Variants in CNIH1 observed in about 807,000 individuals in gnomAD.
CNIH1 encodes protein cornichon homolog 1.
Under a neutral mutation model 20.2 loss-of-function variants are expected in CNIH1, and 12 were observed. The observed-to-expected ratio is 0.59, with a 90% CI of 0.38 to 0.96. The LOEUF is 0.96. CNIH1 is among the 40% of genes least tolerant of loss of function. The probability of loss-of-function intolerance (pLI) is 0.00; values close to 1 mark genes in which losing one functional copy is unlikely to be tolerated. For missense variants in CNIH1, 152 were observed against 178.8 expected, an observed-to-expected ratio of 0.85 and a Z score of 0.85; for synonymous variants, 69 against 63.3, an observed-to-expected ratio of 1.09 and a Z score of -0.43.
rs1462596892 is a variant in CNIH1 at position 54,430,343 on chromosome 14, C to T, written c.325G>A (p.Ala109Thr). ...GLYDPTTIMNADILAYCQKEG... is the reference protein window; with the variant it reads ...GLYDPTTIMNTDILAYCQKEG... The stretch of plus-strand genomic sequence containing the variant: ...TTCTGACAATATGCTAGAATATCTG[C>T]ATTCATGATGGTTGTAGGGTCATAG... The change falls in exon 4 of 5, where the codon GCA becomes ACA. Residue 109 changes from alanine (A) to threonine (T), a missense_variant. By Grantham distance (58) the Ala-to-Thr change is moderately conservative. This residue lies in a region of CNIH1 where 27 missense variants were observed against 55.4 expected (regional missense o/e 0.49). Coordinates refer to ENST00000216416, the MANE Select transcript of CNIH1 (RefSeq NM_005776.3). The T allele has an allele frequency of 6.2e-7, 1 of 1,614,074 alleles. No individual in the cohort carries two copies. Among genetic ancestry groups the T allele is most frequent in the Admixed American group, 1.7e-5 (1 of 60,026 alleles).
intron 1 of CNIH1, 82 bp downstream of exon 1, chr14:54,441,165 G>A (rs1054279494): frequency 9.1e-6 from 12 of 1,325,614 alleles, no homozygotes; most frequent in Non-Finnish European, 1.2e-5. Flanking sequence ...CCCGGCGGCC[G>A]TGGCGGCCCG....
intron 3 of CNIH1, among the ~76,000 whole-genome samples, chr14:54,431,746 A>C (rs1259354057): frequency 1.3e-5 from 2 of 152,182 alleles, no homozygotes; most frequent in Non-Finnish European, 2.9e-5. Flanking sequence ...GGAGGTGTGG[A>C]GGGTAACTGA....
chr14:54,433,989 T>A (rs1369201308), intron 2 of CNIH1, among the ~76,000 whole-genome samples: 2 of 151,804 alleles, frequency 1.3e-5, no homozygotes, highest in African/African-American at 4.8e-5. Context: ...AATTTCCCCA[T>A]AAGAGACACA....
At position 54,437,608 on chromosome 14, in the gene CNIH1, C is replaced by T. The variant is rs544343635; in HGVS notation, c.82-1171G>A. On this transcript the variant is annotated intron_variant, in intron 1 of 4. Transcript: ENST00000216416. ...CCAGGGCCTAAAATATAAAATAGTG[C>T]CTGGCACATAGTTAAGTGTTCAATA... Among the ~76,000 whole-genome samples, 151 of 151,342 alleles carry T rather than the reference C, an allele frequency of 1.0e-3. 1 individual carries two copies. The highest frequency in any genetic ancestry group is 1.9e-3 in the Non-Finnish European group (130 of 67,874).
rs1213307509 is a variant in CNIH1 at position 54,424,543 on chromosome 14, T to C, written c.*3271A>G. ...TACACGGAAGTCATTATTTGCACTATGGCAATATTCCACGAACTCTATTCA... is the reference window on the plus strand; with the variant it reads ...TACACGGAAGTCATTATTTGCACTACGGCAATATTCCACGAACTCTATTCA... On this transcript the variant is annotated 3_prime_UTR_variant, in exon 5 of 5. Transcript: ENST00000216416. 5 of 152,248 alleles carry C rather than the reference T, an allele frequency of 3.3e-5. No individual in the cohort carries two copies. The highest frequency in any genetic ancestry group is 7.3e-5 in the Non-Finnish European group (5 of 68,048). 9.4% of individuals were successfully genotyped at this position (152,248 alleles called of 1,614,324 possible).
At chr14:54,441,126 A>G in intron 1 of CNIH1, 121 bp downstream of exon 1, 1 of 957,068 alleles carries the variant, frequency 1.0e-6, no homozygotes, top group Non-Finnish European at 1.3e-6. Context: ...GGCCCGTGCC[A>G]GCCGGGCCGC....
intron 1 of CNIH1, among the ~76,000 whole-genome samples, chr14:54,438,035 A>C (rs1312309442): frequency 2.0e-5 from 3 of 149,984 alleles, no homozygotes; most frequent in Admixed American, 2.0e-4. Context: ...GCTGGAGTGC[A>C]GTGGCACAAT....
chr14:54,434,876 C>A (rs1202864758), intron 2 of CNIH1, among the ~76,000 whole-genome samples: 1 of 152,168 alleles, frequency 6.6e-6, no homozygotes, highest in African/African-American at 2.4e-5. Flanking sequence ...AAAGAAACAG[C>A]TAATAAGTTA....
Position 54,432,239 on chromosome 14 carries a change from C to A in CNIH1, c.151-19G>T. 1 of 1,405,852 alleles carries A rather than the reference C, an allele frequency of 7.1e-7. No homozygotes were observed. Among genetic ancestry groups the A allele is most frequent in the East Asian group, 2.6e-5 (1 of 38,646 alleles). 87.1% of individuals were successfully genotyped at this position (1,405,852 alleles called of 1,614,324 possible). ...GTACAAGCTGGAAGGAAAACACAAGCCAGTTATCAAAATGCCTCAGCATTA... is the reference window on the plus strand; with the variant it reads ...GTACAAGCTGGAAGGAAAACACAAGACAGTTATCAAAATGCCTCAGCATTA... On this transcript the variant is annotated intron_variant, in intron 2 of 4. Transcript: ENST00000216416.
chr14:54,430,182 G>C, intron 4 of CNIH1, 79 bp downstream of exon 4: 1 of 1,408,070 alleles, frequency 7.1e-7, no homozygotes, highest in Non-Finnish European at 9.8e-7. Flanking sequence ...AATGGATTTT[G>C]AGGTGTGAAA....
intron 2 of CNIH1, chr14:54,436,033 G>A: frequency 2.9e-6 from 2 of 700,736 alleles, no homozygotes; most frequent in Non-Finnish European, 5.2e-6. Flanking sequence ...CCCTCCCCAT[G>A]AAATGAATAT....
chr14:54,427,698 A>T lies in CNIH1; in HGVS notation c.*116T>A. The T allele has an allele frequency of 9.4e-7, 1 of 1,069,314 alleles. No homozygotes were observed. The highest frequency in any genetic ancestry group is 1.4e-6 in the Non-Finnish European group (1 of 720,954). 66.2% of individuals were successfully genotyped at this position (1,069,314 alleles called of 1,614,324 possible). ...TTTAAAAAATAAGGAGTCATTTTTT[A>T]AAGTAACTGATCAGATTCCACAGGC... On this transcript the variant is annotated 3_prime_UTR_variant, in exon 5 of 5. Coordinates refer to ENST00000216416, the MANE Select transcript of CNIH1 (RefSeq NM_005776.3).
At chr14:54,430,070 G>A in intron 4 of CNIH1, 191 bp downstream of exon 4, 1 of 568,174 alleles carries the variant, frequency 1.8e-6, no homozygotes, top group East Asian at 3.0e-5. Context: ...TCTGATGGCA[G>A]GCTGGTTTAC....
In CNIH1 at chr14:54,436,457, G is replaced by A; in HGVS notation, c.82-20C>T. ...TATAATCTAAAATAAAATTAAAACA[G>A]TTAGGACCACTCACTTTAATTAAAA... On this transcript the variant is annotated intron_variant, in intron 1 of 4. Coordinates refer to ENST00000216416, the MANE Select transcript of CNIH1 (RefSeq NM_005776.3). 1 of 1,326,118 alleles carries A rather than the reference G, an allele frequency of 7.5e-7. No individual in the cohort carries two copies. Among genetic ancestry groups the A allele is most frequent in the Non-Finnish European group, 1.1e-6 (1 of 928,358 alleles). 82.1% of individuals were successfully genotyped at this position (1,326,118 alleles called of 1,614,324 possible).
chr14:54,436,742 A>T, intron 1 of CNIH1: 1 of 484,202 alleles, frequency 2.1e-6, no homozygotes, highest in South Asian at 1.7e-5. Flanking sequence ...TAATCTTCTG[A>T]GTAGAAAAAT....
rs991953375 is a variant in CNIH1, at chr14:54,425,090, G to A, written c.*2724C>T. ...TGTCAAACATCATTAATAACATTTG[G>A]ATATGAGTGTTCAAATAATTTCTAC... On this transcript the variant is annotated 3_prime_UTR_variant, in exon 5 of 5. Transcript: ENST00000216416. 2.0e-5 allele frequency: 3 copies of A among 152,068 alleles called. No individual in the cohort carries two copies. The highest frequency in any genetic ancestry group is 2.1e-4 in the South Asian group (1 of 4,812). 9.4% of individuals were successfully genotyped at this position (152,068 alleles called of 1,614,324 possible). A position where few individuals can be genotyped will look rare whatever the true frequency, so the allele number is the denominator to read the frequency against.
At chr14:54,428,531 T>TA (rs1305090318) in intron 4 of CNIH1, among the ~76,000 whole-genome samples, 4 of 152,192 alleles carry the variant, frequency 2.6e-5, no homozygotes, top group African/African-American at 9.6e-5. Context: ...TAGACAACCT[T>TA]AAAACACAAC....
At chr14:54,436,868 C>T in intron 1 of CNIH1, 1 of 414,830 alleles carries the variant, frequency 2.4e-6, no homozygotes, top group South Asian at 1.8e-5. Context: ...TTGCCCACAT[C>T]TCCACACAGC....
chr14:54,431,725 C>T (rs1263611277), intron 3 of CNIH1, among the ~76,000 whole-genome samples: 1 of 152,088 alleles, frequency 6.6e-6, no homozygotes, highest in Non-Finnish European at 1.5e-5. Context: ...TGATAGAGGT[C>T]AGTGGTCTTG....
Sources: allele counts gnomAD v4.1 joint callset (sites outside exome capture counted in the v4.1 genomes callset), GRCh38; gene constraint gnomAD v4.1.1; regional missense constraint gnomAD v4.1.1; transcripts MANE v1.5; gene names NCBI Gene and HGNC (gene_info 2026-07-23, HGNC 2026-07-21).